The following SNTG2 variants were observed in gnomAD, a reference collection of about 807,000 sequenced individuals.
SNTG2 encodes the protein gamma-2-syntrophin.
A neutral mutation model predicts 70.9 loss-of-function variants in SNTG2; 74 were observed. That is an observed-to-expected ratio of 1.04 (90% CI 0.86 to 1.27). SNTG2 has a LOEUF of 1.27. Among genes scored for constraint, SNTG2 ranks in the 50% most tolerant of loss-of-function variants. The pLI, the probability that SNTG2 is intolerant of heterozygous loss-of-function variation, is 0.00. For synonymous variants in SNTG2, 278 were observed against 273.8 expected, an observed-to-expected ratio of 1.02 and a Z score of -0.15; for missense variants, 717 against 690.7, an observed-to-expected ratio of 1.04 and a Z score of -0.43.
intron 12 of SNTG2, among the ~76,000 whole-genome samples, chr2:1,255,865 TATATATAAATATATATATAA>T (rs1558602589): frequency 8.6e-5 from 10 of 116,354 alleles, no homozygotes; most frequent in Non-Finnish European, 1.6e-4. Context: ...TATATATAAA[TATATATAAATATATATATAA>T]ATATATATAA....
intron 8 of SNTG2, among the ~76,000 whole-genome samples, chr2:1,179,611 G>A (rs1311981788): frequency 6.6e-6 from 1 of 151,944 alleles, no homozygotes; most frequent in Non-Finnish European, 1.5e-5. Context: ...TGGGTAGGAA[G>A]AATCAATATC....
intron 9 of SNTG2, among the ~76,000 whole-genome samples, chr2:1,236,962 A>G (rs903874502): frequency 8.9e-5 from 10 of 111,990 alleles, no homozygotes; most frequent in Non-Finnish European, 1.6e-4. Context: ...TTTTTTTTTC[A>G]GATAGGGTCT....
At chr2:1,213,321 G>T (rs1046018570) in intron 9 of SNTG2, among the ~76,000 whole-genome samples, 5 of 152,074 alleles carry the variant, frequency 3.3e-5, no homozygotes, top group African/African-American at 1.2e-4. Flanking sequence ...CTGCAACTTG[G>T]AGTGAAAAGA....
At chr2:1,310,683 C>T (rs1680940515) in intron 15 of SNTG2, among the ~76,000 whole-genome samples, 1 of 152,094 alleles carries the variant, frequency 6.6e-6, no homozygotes, top group African/African-American at 2.4e-5. Flanking sequence ...AGGGCATCAC[C>T]ATCCTTCTCC....
intron 14 of SNTG2, among the ~76,000 whole-genome samples, chr2:1,284,523 C>T (rs1679690316): frequency 1.3e-5 from 2 of 152,104 alleles, no homozygotes; most frequent in South Asian, 4.1e-4. Flanking sequence ...TACAAAACCA[C>T]CCAAAAAGAG....
At chr2:1,257,469 G>A (rs764866771) in intron 12 of SNTG2, among the ~76,000 whole-genome samples, 2 of 152,162 alleles carry the variant, frequency 1.3e-5, no homozygotes, top group Admixed American at 6.5e-5. Flanking sequence ...ACCAGCAGAC[G>A]CCACAGGGAC....
At chr2:988,297 C>T (rs1244582884) in intron 1 of SNTG2, among the ~76,000 whole-genome samples, 2 of 152,212 alleles carry the variant, frequency 1.3e-5, no homozygotes, top group Admixed American at 1.3e-4. Context: ...ATTAGACACT[C>T]ATGACCCCAG....
At chr2:1,198,542 G>A in intron 8 of SNTG2, among the ~76,000 whole-genome samples, 1 of 151,508 alleles carries the variant, frequency 6.6e-6, no homozygotes, top group Middle Eastern at 3.4e-3. Context: ...AAAGCCAAAA[G>A]TAGCAGAAGG....
At chr2:965,362 T>TCCCCAGTCCTCCTCCTTGGA (rs1660515856) in intron 1 of SNTG2, among the ~76,000 whole-genome samples, 5 of 42,190 alleles carry the variant, frequency 1.2e-4, no homozygotes, top group Admixed American at 2.5e-4. Context: ...CTCCTCCTGG[T>TCCCCAGTCCTCCTCCTTGGA]CCCCAATCCT....
chr2:1,235,837 A>G (rs1002169996), intron 9 of SNTG2, among the ~76,000 whole-genome samples: 1 of 152,252 alleles, frequency 6.6e-6, no homozygotes, highest in African/African-American at 2.4e-5. Context: ...AGGATGGGAC[A>G]CAGGGAACTT....
chr2:1,170,808 G>T (rs1162881954), intron 7 of SNTG2, among the ~76,000 whole-genome samples: 2 of 152,036 alleles, frequency 1.3e-5, no homozygotes, highest in African/African-American at 4.8e-5. Flanking sequence ...ATACCACCAT[G>T]AGCATCCGTG....
At chr2:1,306,843 C>T (rs769354915) in intron 14 of SNTG2, among the ~76,000 whole-genome samples, 48 of 151,140 alleles carry the variant, frequency 3.2e-4, no homozygotes, top group Admixed American at 1.4e-3. Context: ...GCGCTGTGTG[C>T]GTGCACGTGT....
At chr2:1,248,767 A>C (rs1677588721) in intron 12 of SNTG2, among the ~76,000 whole-genome samples, 1 of 152,106 alleles carries the variant, frequency 6.6e-6, no homozygotes, top group Non-Finnish European at 1.5e-5. Context: ...TACCACTGAC[A>C]CTGGAGATGC....
chr2:1,222,171 C>CTGCCTA (rs1675271217), intron 9 of SNTG2, among the ~76,000 whole-genome samples: 1 of 150,190 alleles, frequency 6.7e-6, no homozygotes, highest in African/African-American at 2.5e-5. Flanking sequence ...GTCTTTGTCT[C>CTGCCTA]TCTTTTTCTC....
In SNTG2 at chr2:1,267,297, A is replaced by G. The variant is rs565714159; in HGVS notation, c.1078-68A>G. ...CACGCAAACGCTGCCTTCTCCCCACACCAGGGCCCTCAGCATGGGAATGAC... is the reference window on the plus strand; with the variant it reads ...CACGCAAACGCTGCCTTCTCCCCACGCCAGGGCCCTCAGCATGGGAATGAC... On this transcript the variant is annotated intron_variant, in intron 13 of 16. Transcript: ENST00000308624. The G allele has an allele frequency of 2.0e-4, 282 of 1,442,024 alleles. 1 individual carries two copies. In the Admixed American group the frequency reaches 5.5e-3, roughly 28 times the overall value. The allele number at this position is 1,442,024 out of a possible 1,614,324, so 89.3% of individuals were successfully genotyped here.
intron 16 of SNTG2, among the ~76,000 whole-genome samples, chr2:1,349,643 G>T (rs903878725): frequency 5.3e-5 from 8 of 152,244 alleles, no homozygotes; most frequent in Admixed American, 2.6e-4. Context: ...GCAAGGTGGG[G>T]TCACTTATGC....
chr2:1,235,421 G>T lies in SNTG2; in HGVS notation c.720-2467G>T, dbSNP rs562061825. Among the ~76,000 whole-genome samples, 624 of 129,604 alleles carry T rather than the reference G, an allele frequency of 4.8e-3. 3 individuals carry two copies. The highest frequency in any genetic ancestry group is 0.018 in the African/African-American group (568 of 31,922). 85.0% of individuals were successfully genotyped at this position (129,604 alleles called of 152,430 possible). On this transcript the variant is annotated intron_variant, in intron 9 of 16. Transcript: ENST00000308624. ...CTGAGGTCCCTGCAGGCCCCACCAG[G>T]CACCCCCGATTCATGAGAGGGGGCG...
In SNTG2 at chr2:1,192,207, G is replaced by A. The variant is rs539742985; in HGVS notation, c.592-16896G>A. Among the ~76,000 whole-genome samples the A allele has an allele frequency of 7.3e-4, 111 of 152,320 alleles. 1 individual carries two copies. Among genetic ancestry groups the A allele is most frequent in the African/African-American group, 2.5e-3 (105 of 41,572 alleles). On this transcript the variant is annotated intron_variant, in intron 8 of 16. Coordinates refer to ENST00000308624, the MANE Select transcript of SNTG2 (RefSeq NM_018968.4). ...ATGTGGGGCAGAGGGAGTTGGGAAC[G>A]TGGTTTCCACAAAAGGTTCTGTTTC...
At chr2:1,083,150 T>C (rs1664446514) in intron 1 of SNTG2, among the ~76,000 whole-genome samples, 1 of 134,122 alleles carries the variant, frequency 7.5e-6, no homozygotes, top group Admixed American at 8.6e-5. Context: ...AAAACTATCA[T>C]TTTTATTCAA....
Sources: gnomAD v4.1 joint callset for allele counts (sites outside exome capture counted in the v4.1 genomes callset) on GRCh38, gnomAD v4.1.1 for gene constraint, MANE v1.5 for transcripts, NCBI Gene and HGNC (gene_info 2026-07-23, HGNC 2026-07-21) for gene names.